C9orf72: variants seen among roughly 807,000 people sequenced by gnomAD.
The protein encoded by C9orf72 is guanine nucleotide exchange factor C9orf72.
C9orf72 carries 44 observed loss-of-function variants against 51.6 expected under a neutral mutation model. That is an observed-to-expected ratio of 0.85 (90% confidence interval 0.67 to 1.10). The LOEUF is 1.10. Among genes scored for constraint, C9orf72 ranks in the 50% least tolerant of loss-of-function variants. C9orf72 has a pLI of 0.00. For missense variants in C9orf72, 607 were observed against 570.6 expected, an observed-to-expected ratio of 1.06 and a Z score of -0.65; for synonymous variants, 213 against 194.2, an observed-to-expected ratio of 1.10 and a Z score of -0.81.
intron 2 of C9orf72, among the ~76,000 whole-genome samples, chr9:27,566,256 G>C (rs1744918810): frequency 6.6e-6 from 1 of 152,102 alleles, no homozygotes; most frequent in African/African-American, 2.4e-5. Flanking sequence ...CTGGGAACTT[G>C]GCAAAGAGGT....
At chr9:27,567,268 A>C (rs1422745164) in intron 1 of C9orf72, 104 bp from the exon 2 acceptor site, 3 of 657,606 alleles carry the variant, frequency 4.6e-6, no homozygotes, top group African/African-American at 1.8e-5. Flanking sequence ...CTTAAGTCAA[A>C]GATGTGGAAT....
chr9:27,573,500 C>CCG (rs1314653878), upstream of C9orf72: 28 of 93,356 alleles, frequency 3.0e-4, no homozygotes, highest in Admixed American at 9.1e-4. Context: ...GCCCCGGGCC[C>CCG]GCCCCCGGGC....
At chr9:27,569,871 GAC>G (rs771045680) in intron 1 of C9orf72, among the ~76,000 whole-genome samples, 2 of 152,172 alleles carry the variant, frequency 1.3e-5, no homozygotes, top group Non-Finnish European at 2.9e-5. Context: ...GTAAATGTAT[GAC>G]AAAGTAAACA....
At chr9:27,566,005 T>G (rs1197160894) in intron 2 of C9orf72, among the ~76,000 whole-genome samples, 1 of 152,192 alleles carries the variant, frequency 6.6e-6, no homozygotes, top group East Asian at 1.9e-4. Context: ...AAAGATATTA[T>G]TTTTCCTTAC....
chr9:27,558,644 T>A, intron 6 of C9orf72, 37 bp from the exon 7 acceptor site: 5 of 1,042,800 alleles, frequency 4.8e-6, no homozygotes, highest in Non-Finnish European at 7.2e-6. Flanking sequence ...AAACATGAAG[T>A]AAAAAGACCA....
intron 3 of C9orf72, 83 bp from the exon 4 acceptor site, chr9:27,562,559 C>G: frequency 8.5e-6 from 5 of 586,162 alleles, no homozygotes; most frequent in Non-Finnish European, 1.4e-5. Flanking sequence ...TAACATCAAA[C>G]AATAACATTC....
chr9:27,553,265 ATCC>A (rs1820944901), intron 8 of C9orf72, among the ~76,000 whole-genome samples: 1 of 152,196 alleles, frequency 6.6e-6, no homozygotes, highest in Non-Finnish European at 1.5e-5. Context: ...AGCCAAAGCA[ATCC>A]TAAGCAAAAA....
intron 9 of C9orf72, among the ~76,000 whole-genome samples, chr9:27,549,121 C>T (rs1479996420): frequency 6.6e-6 from 1 of 152,206 alleles, no homozygotes; most frequent in Non-Finnish European, 1.5e-5. Context: ...GGATTACAGG[C>T]ATAAGCCACC....
At chr9:27,569,287 C>T (rs1033719370) in intron 1 of C9orf72, among the ~76,000 whole-genome samples, 3 of 152,102 alleles carry the variant, frequency 2.0e-5, no homozygotes, top group East Asian at 1.9e-4. Context: ...GTAGCTTCAG[C>T]GTACTGTGTT....
intron 8 of C9orf72, among the ~76,000 whole-genome samples, chr9:27,553,538 T>C (rs1474647722): frequency 2.6e-5 from 4 of 152,188 alleles, no homozygotes; most frequent in Non-Finnish European, 4.4e-5. Context: ...ACCCCTTCCT[T>C]GTGCCATATA....
intron 8 of C9orf72, 197 bp downstream of exon 8, chr9:27,556,360 TTACC>T (rs1819196829): frequency 1.7e-6 from 1 of 583,680 alleles, no homozygotes; most frequent in Non-Finnish European, 3.0e-6. Context: ...AGGGTTAATC[TTACC>T]TATTTTAGGG....
At chr9:27,564,304 G>T (rs1819417754) in intron 3 of C9orf72, among the ~76,000 whole-genome samples, 1 of 152,068 alleles carries the variant, frequency 6.6e-6, no homozygotes, top group Admixed American at 6.6e-5. Context: ...GCACTTAAAA[G>T]AGAGACCAAA....
chr9:27,558,117 T>G (rs1340193977), intron 7 of C9orf72, among the ~76,000 whole-genome samples: 1 of 150,304 alleles, frequency 6.7e-6, no homozygotes, highest in Non-Finnish European at 1.5e-5. Flanking sequence ...ATTGCTTAAA[T>G]CCTATAAGCT....
At chr9:27,560,894 A>C (rs1017202533) in intron 5 of C9orf72, 20 of 458,686 alleles carry the variant, frequency 4.4e-5, no homozygotes, top group African/African-American at 4.2e-4. Flanking sequence ...CAACTAGTAA[A>C]GGAACTAACA....
Position 27,556,783 on chromosome 9 carries a change from C to T in C9orf72, c.869G>A (p.Ser290Asn). 4.3e-6 allele frequency: 7 copies of T among 1,611,236 alleles called. No individual in the cohort carries two copies. The highest frequency in any genetic ancestry group is 5.9e-6 in the Non-Finnish European group (7 of 1,177,462). ...VQGLLKDSTG[S>N]FVLPFRQVMY... Reference sequence around the variant, plus strand: ...GACTTGCCGGAAAGGCAGCACAAAGCTTCCAGTTGAATCCTGTCAAAATAA... The same window carrying T: ...GACTTGCCGGAAAGGCAGCACAAAGTTTCCAGTTGAATCCTGTCAAAATAA... The change falls in exon 8 of 11, where the codon AGC (serine) becomes AAC (asparagine). Residue 290 changes from serine (S) to asparagine (N), a missense_variant. By Grantham distance (46) the Ser-to-Asn change is conservative (BLOSUM62 1). Coordinates refer to ENST00000380003, the MANE Select transcript of C9orf72 (RefSeq NM_018325.5).
intron 5 of C9orf72, chr9:27,561,359 G>C (rs1819342014): frequency 7.8e-7 from 1 of 1,275,618 alleles, no homozygotes; most frequent in Non-Finnish European, 9.9e-7. Flanking sequence ...TTTCTTGTCT[G>C]GGATGGAAAC....
chr9:27,548,145 G>C lies in C9orf72; in HGVS notation c.*91C>G. 4 of 944,466 alleles carry C rather than the reference G, an allele frequency of 4.2e-6. No homozygotes were observed. The highest frequency in any genetic ancestry group is 6.3e-6 in the Non-Finnish European group (4 of 636,720). The allele number at this position is 944,466 out of a possible 1,614,324, so 58.5% of individuals were successfully genotyped here. A position where few individuals can be genotyped will look rare whatever the true frequency, so the allele number is the denominator to read the frequency against. On this transcript the variant is annotated 3_prime_UTR_variant, in exon 11 of 11. Transcript: ENST00000380003. ...TGCAATTGCTGAGAGCAGAATTCTG[G>C]AGTATGATCCAGGGGAACGTTTCCC...
intron 9 of C9orf72, 55 bp from the exon 10 acceptor site, chr9:27,548,721 G>T: frequency 9.8e-7 from 1 of 1,017,016 alleles, no homozygotes; most frequent in Non-Finnish European, 1.6e-6. Flanking sequence ...TACTCGTACA[G>T]AAGTTTCTAT....
intron 3 of C9orf72, among the ~76,000 whole-genome samples, chr9:27,563,119 T>C (rs1260572499): frequency 1.3e-5 from 2 of 152,150 alleles, no homozygotes; most frequent in East Asian, 1.9e-4. Flanking sequence ...CCTTACCAAA[T>C]AGGTAAGGAA....
Sources: allele counts gnomAD v4.1 joint callset (sites outside exome capture counted in the v4.1 genomes callset), GRCh38; gene constraint gnomAD v4.1.1; transcripts MANE v1.5; gene names NCBI Gene and HGNC (gene_info 2026-07-23, HGNC 2026-07-21).